The following PIP4K2B variants were observed in gnomAD, a reference collection of about 807,000 sequenced individuals.
PIP4K2B encodes the protein phosphatidylinositol 5-phosphate 4-kinase type-2 beta.
A neutral mutation model predicts 42.0 loss-of-function variants in PIP4K2B; 3 were observed. The observed-to-expected ratio is 0.07, with a 90% CI of 0.03 to 0.18. The LOEUF (loss-of-function observed/expected upper bound fraction) is 0.18. Among genes scored for constraint, PIP4K2B ranks in the 10% least tolerant of loss-of-function variants. PIP4K2B has a pLI of 1.00. For missense variants in PIP4K2B, 332 were observed against 562.3 expected (o/e 0.59, Z 4.14); for synonymous variants, 204 against 210.1 (o/e 0.97, Z 0.25).
intron 5 of PIP4K2B, 129 bp from the exon 6 acceptor site, chr17:38,778,501 C>T: frequency 1.2e-6 from 1 of 824,788 alleles, no homozygotes; most frequent in Non-Finnish European, 2.1e-6. Flanking sequence ...GAGGCAGCAC[C>T]TTGTTCATTT....
In PIP4K2B at chr17:38,777,792, G is replaced by A. The variant is rs759070138; in HGVS notation, c.702C>T (p.Asp234=). ...REASDKEKAK[D]LPTFKDNDFL... is the part of the protein sequence containing the mutation. Reference sequence around the variant, plus strand: ...AGTCATTGTCTTTGAATGTTGGCAAGTCCTTGGCCTAGGAGAGCAACAGCA... The same window carrying A: ...AGTCATTGTCTTTGAATGTTGGCAAATCCTTGGCCTAGGAGAGCAACAGCA... The change falls in exon 7 of 10, where the codon GAC becomes GAT. Residue 234 remains aspartate (D), a synonymous_variant. Transcript: ENST00000619039. 2.5e-6 allele frequency: 4 copies of A among 1,613,240 alleles called. No homozygotes were observed. The highest frequency in any genetic ancestry group is 2.2e-5 in the East Asian group (1 of 44,878).
chr17:38,770,601 T>G (rs1462900186), intron 8 of PIP4K2B, 62 bp from the exon 9 acceptor site: 1 of 895,708 alleles, frequency 1.1e-6, no homozygotes, highest in East Asian at 2.4e-5. Flanking sequence ...AGACAGCAGC[T>G]GGGCACTGCT....
chr17:38,786,882 T>A lies in PIP4K2B; in HGVS notation c.198A>T (p.Leu66=). 1 of 1,613,526 alleles carries A rather than the reference T, an allele frequency of 6.2e-7. No homozygotes were observed. The highest frequency in any genetic ancestry group is 1.1e-5 in the South Asian group (1 of 91,064). The change falls in exon 2 of 10, where the codon CTA becomes CTT. Residue 66 remains leucine (L), a synonymous_variant. Coordinates refer to ENST00000619039, the MANE Select transcript of PIP4K2B (RefSeq NM_003559.5). ...ELSNVPVPVM[L]MPDDFKAYSK... ...TGTAGGCTTTGAAGTCATCTGGCAT[T>A]AGCATGACAGGAACAGGAACATTGC...
At chr17:38,798,894 G>A (rs969677878) in intron 1 of PIP4K2B, among the ~76,000 whole-genome samples, 1 of 152,202 alleles carries the variant, frequency 6.6e-6, no homozygotes, top group Admixed American at 6.5e-5. Context: ...AAGGAACAAG[G>A]GGGAATATAC....
chr17:38,795,753 G>GAA (rs1163279684), intron 1 of PIP4K2B, among the ~76,000 whole-genome samples: 2 of 112,032 alleles, frequency 1.8e-5, no homozygotes, highest in African/African-American at 6.3e-5. Context: ...TCTGTCTCAA[G>GAA]AAAAAAAAAA....
chr17:38,780,353 T>A, intron 4 of PIP4K2B, 99 bp downstream of exon 4: 1 of 1,004,352 alleles, frequency 1.0e-6, no homozygotes, highest in South Asian at 1.8e-5. Context: ...CAGCTGCCAT[T>A]ACCAGAGAGG....
chr17:38,785,733 A>G (rs1418011316), intron 2 of PIP4K2B, among the ~76,000 whole-genome samples: 4 of 152,198 alleles, frequency 2.6e-5, no homozygotes, highest in African/African-American at 9.6e-5. Flanking sequence ...GAAGGACAAA[A>G]GGAATAAAGA....
At chr17:38,794,645 T>C (rs779911891) in intron 1 of PIP4K2B, among the ~76,000 whole-genome samples, 10 of 63,594 alleles carry the variant, frequency 1.6e-4, no homozygotes, top group Non-Finnish European at 2.6e-4. Flanking sequence ...GCTAGAACTA[T>C]AAAACTTTTA....
Position 38,769,584 on chromosome 17 carries a change from C to A in PIP4K2B, c.*107G>T. 1 of 767,554 alleles carries A rather than the reference C, an allele frequency of 1.3e-6. No homozygotes were observed. Among genetic ancestry groups the A allele is most frequent in the Non-Finnish European group, 2.4e-6 (1 of 414,840 alleles). 47.5% of individuals were successfully genotyped at this position (767,554 alleles called of 1,614,324 possible). A position where few individuals can be genotyped will look rare whatever the true frequency, so the allele number is the denominator to read the frequency against. ...CTCATTGCTAAAGCCCTCCCAAACC[C>A]GACTCTGCTCCCACCCTCCCATCTA... On this transcript the variant is annotated 3_prime_UTR_variant, in exon 10 of 10. Coordinates refer to ENST00000619039, the MANE Select transcript of PIP4K2B (RefSeq NM_003559.5).
At chr17:38,773,219 G>A (rs1909143674) in intron 7 of PIP4K2B, among the ~76,000 whole-genome samples, 1 of 152,058 alleles carries the variant, frequency 6.6e-6, no homozygotes, top group African/African-American at 2.4e-5. Flanking sequence ...TGGCCTCAGA[G>A]ACAAAGTCTG....
intron 3 of PIP4K2B, among the ~76,000 whole-genome samples, chr17:38,781,820 T>C (rs1909734913): frequency 6.6e-6 from 1 of 151,712 alleles, no homozygotes; most frequent in Non-Finnish European, 1.5e-5. Context: ...CCCAGCCTTT[T>C]TTTTTTTTTT....
intron 7 of PIP4K2B, among the ~76,000 whole-genome samples, chr17:38,775,501 C>A (rs1358457528): frequency 6.6e-6 from 1 of 152,210 alleles, no homozygotes; most frequent in Non-Finnish European, 1.5e-5. Context: ...TCTGCCTCAG[C>A]CTCCTGAGCT....
rs930025040 is a variant in PIP4K2B at position 38,766,308 on chromosome 17, C to G, written c.*3383G>C. On this transcript the variant is annotated 3_prime_UTR_variant, in exon 10 of 10. Transcript: ENST00000619039. ...GGGCCACAGGTTTAAGGCCAGAGCT[C>G]TGAGTGTTGTTTAAACGCACTGTCC... The G allele has an allele frequency of 6.6e-6, 1 of 152,602 alleles. No individual in the cohort carries two copies. 9.5% of individuals were successfully genotyped at this position (152,602 alleles called of 1,614,324 possible).
At chr17:38,774,792 A>T (rs1020987008) in intron 7 of PIP4K2B, among the ~76,000 whole-genome samples, 17 of 152,104 alleles carry the variant, frequency 1.1e-4, no homozygotes, top group African/African-American at 4.1e-4. Flanking sequence ...TAAATAAAAT[A>T]AAAAATAAAT....
chr17:38,780,403 T>C (rs377738397), intron 4 of PIP4K2B, 49 bp downstream of exon 4: 211 of 1,536,598 alleles, frequency 1.4e-4, no homozygotes, highest in Non-Finnish European at 1.6e-4. Context: ...GGCTCTCTTC[T>C]CCCTCTTCCA....
rs544201370 is a variant in PIP4K2B, at chr17:38,766,246, A to T, written c.*3445T>A. On this transcript the variant is annotated 3_prime_UTR_variant, in exon 10 of 10. Coordinates refer to ENST00000619039, the MANE Select transcript of PIP4K2B (RefSeq NM_003559.5). ...TTCCCTTTCAGGACCTCCTGCCCGC[A>T]TGACTGCCAGGAAGAGATGAGGCTC... 1.3e-3 allele frequency: 203 copies of T among 152,500 alleles called. 2 individuals are homozygous for T. The highest frequency in any genetic ancestry group is 3.4e-3 in the Middle Eastern group (1 of 294). 9.4% of individuals were successfully genotyped at this position (152,500 alleles called of 1,614,324 possible). A position where few individuals can be genotyped will look rare whatever the true frequency, so the allele number is the denominator to read the frequency against.
chr17:38,776,221 C>G, intron 7 of PIP4K2B: 1 of 316,868 alleles, frequency 3.2e-6, no homozygotes, highest in Non-Finnish European at 6.2e-6. Context: ...CCGCCCACCT[C>G]AGCCTCCCAA....
intron 1 of PIP4K2B, among the ~76,000 whole-genome samples, chr17:38,795,034 A>G (rs1479526554): frequency 2.2e-5 from 3 of 135,650 alleles, no homozygotes; most frequent in African/African-American, 5.5e-5. Context: ...CGGGAGGCAG[A>G]GGTTGCAGTG....
intron 7 of PIP4K2B, among the ~76,000 whole-genome samples, chr17:38,774,031 G>A (rs375983804): frequency 6.6e-6 from 1 of 152,184 alleles, no homozygotes; most frequent in African/African-American, 2.4e-5. Flanking sequence ...ACATAGTTGG[G>A]GGTGACTAAG....
Sources: gnomAD v4.1 joint callset for allele counts (sites outside exome capture counted in the v4.1 genomes callset) on GRCh38, gnomAD v4.1.1 for gene constraint, MANE v1.5 for transcripts, NCBI Gene and HGNC (gene_info 2026-07-23, HGNC 2026-07-21) for gene names.